Variants in RAD51B observed in about 807,000 individuals in gnomAD.
RAD51B encodes the protein DNA repair protein RAD51 homolog 2.
RAD51B carries 38 observed loss-of-function variants against 42.2 expected under a neutral mutation model. That is an observed-to-expected ratio of 0.90 (90% confidence interval 0.70 to 1.18). The LOEUF is 1.18. Ranked by LOEUF, RAD51B falls within the 50% of genes most tolerant of loss-of-function variation. The pLI, the probability that RAD51B is intolerant of heterozygous loss-of-function variation, is 0.00. For missense variants in RAD51B, 373 were observed against 400.7 expected (o/e 0.93, Z 0.59); for synonymous variants, 154 against 145.2 (o/e 1.06, Z -0.43).
intron 10 of RAD51B, among the ~76,000 whole-genome samples, chr14:68,593,669 AG>A (rs369903100): frequency 2.0e-5 from 3 of 152,184 alleles, no homozygotes; most frequent in African/African-American, 7.2e-5. Context: ...GGAATGTATC[AG>A]GGCTGGCATT....
At chr14:68,040,341 C>T (rs1286044912) in intron 7 of RAD51B, among the ~76,000 whole-genome samples, 1 of 152,162 alleles carries the variant, frequency 6.6e-6, no homozygotes, top group East Asian at 1.9e-4. Flanking sequence ...CATATTTGTT[C>T]TATCTCTGTA....
intron 7 of RAD51B, among the ~76,000 whole-genome samples, chr14:68,089,333 A>G (rs1199334674): frequency 6.6e-6 from 1 of 152,112 alleles, no homozygotes; most frequent in Non-Finnish European, 1.5e-5. Context: ...TTCATGACTC[A>G]TTAGTCTCTA....
At chr14:67,852,602 G>C (rs1438053064) in intron 4 of RAD51B, among the ~76,000 whole-genome samples, 1 of 152,084 alleles carries the variant, frequency 6.6e-6, no homozygotes, top group Admixed American at 6.5e-5. Context: ...ACAAAGCCTT[G>C]GAAGTTACAT....
chr14:68,301,160 C>T (rs1159051259), intron 8 of RAD51B, among the ~76,000 whole-genome samples: 7 of 152,076 alleles, frequency 4.6e-5, no homozygotes, highest in African/African-American at 1.2e-4. Context: ...CTAATAGGCT[C>T]ATCAAAGCAG....
At chr14:67,954,371 T>C (rs1051316855) in intron 7 of RAD51B, among the ~76,000 whole-genome samples, 1 of 152,176 alleles carries the variant, frequency 6.6e-6, no homozygotes, top group Non-Finnish European at 1.5e-5. Flanking sequence ...AGGGAAATAA[T>C]ATTAGCCATT....
intron 7 of RAD51B, among the ~76,000 whole-genome samples, chr14:68,278,950 T>C (rs1039340522): frequency 2.0e-5 from 3 of 152,224 alleles, no homozygotes; most frequent in African/African-American, 7.2e-5. Context: ...TTTTTTCTGT[T>C]CTCCTAACAA....
chr14:68,332,199 A>G (rs899424877), intron 8 of RAD51B, among the ~76,000 whole-genome samples: 1 of 152,168 alleles, frequency 6.6e-6, no homozygotes, highest in South Asian at 2.1e-4. Context: ...TTTCCTTTCA[A>G]CAGAACTTAC....
chr14:68,322,742 T>C (rs1235650230), intron 8 of RAD51B, among the ~76,000 whole-genome samples: 1 of 152,144 alleles, frequency 6.6e-6, no homozygotes, highest in African/African-American at 2.4e-5. Context: ...TGTTGGACTA[T>C]TAGGAACCTA....
chr14:68,434,789 C>G (rs182608702), intron 9 of RAD51B, among the ~76,000 whole-genome samples: 1 of 152,148 alleles, frequency 6.6e-6, no homozygotes, highest in Admixed American at 6.5e-5. Flanking sequence ...GAGATGAACC[C>G]GGTACCTGAG....
intron 10 of RAD51B, among the ~76,000 whole-genome samples, chr14:68,649,692 T>C (rs1892660836): frequency 6.6e-6 from 1 of 152,154 alleles, no homozygotes; most frequent in Non-Finnish European, 1.5e-5. Context: ...GGTCCAGTCA[T>C]GTGTGAAGAG....
chr14:68,343,833 T>C (rs2139844894), intron 8 of RAD51B, among the ~76,000 whole-genome samples: 1 of 152,372 alleles, frequency 6.6e-6, no homozygotes, highest in African/African-American at 2.4e-5. Context: ...CAGCTCCATC[T>C]CCAGCTCCAG....
chr14:68,355,200 T>A (rs955097798), intron 8 of RAD51B, among the ~76,000 whole-genome samples: 3 of 152,156 alleles, frequency 2.0e-5, no homozygotes, highest in African/African-American at 7.2e-5. Context: ...ATGTTGCCTA[T>A]TTTTTGGAGA....
intron 7 of RAD51B, among the ~76,000 whole-genome samples, chr14:68,086,302 G>A (rs1161207068): frequency 2.6e-5 from 4 of 152,132 alleles, no homozygotes; most frequent in Admixed American, 2.6e-4. Flanking sequence ...TCCTCTCGCT[G>A]TCCAGCTGCC....
In RAD51B at chr14:68,146,225, G is replaced by A. The variant is rs35015911; in HGVS notation, c.757-145659G>A. ...AGCGCTTTGGGAGGCCTTGGTGGGC[G>A]GAATGCCTGAGCTCAGGAGTTTGAG... On this transcript the variant is annotated intron_variant, in intron 7 of 10. Coordinates refer to ENST00000471583, the MANE Select transcript of RAD51B (RefSeq NM_133510.4). 7.4e-3 allele frequency among the ~76,000 whole-genome samples: 1,126 copies of A among 152,256 alleles called. 10 individuals carry two copies. The highest frequency in any genetic ancestry group is 0.023 in the African/African-American group (936 of 41,552).
chr14:68,520,504 T>C (rs1886501817), intron 10 of RAD51B, among the ~76,000 whole-genome samples: 1 of 152,214 alleles, frequency 6.6e-6, no homozygotes, highest in South Asian at 2.1e-4. Flanking sequence ...CCTATACATT[T>C]GTTCTAACTG....
At chr14:68,575,963 G>C (rs1407221321) in intron 10 of RAD51B, among the ~76,000 whole-genome samples, 1 of 152,242 alleles carries the variant, frequency 6.6e-6, no homozygotes, top group East Asian at 1.9e-4. Flanking sequence ...CAACAGGAAT[G>C]TTGAGGCACC....
At chr14:68,633,816 G>T (rs1235100349) in intron 10 of RAD51B, among the ~76,000 whole-genome samples, 1 of 152,222 alleles carries the variant, frequency 6.6e-6, no homozygotes, top group East Asian at 1.9e-4. Flanking sequence ...AGGTAAGGGA[G>T]TGGCCTCTTT....
chr14:68,029,276 T>A (rs1484309068), intron 7 of RAD51B, among the ~76,000 whole-genome samples: 1 of 152,260 alleles, frequency 6.6e-6, no homozygotes, highest in African/African-American at 2.4e-5. Context: ...TGGCTTCATC[T>A]AGTCAGCCAT....
chr14:68,562,103 T>TA, intron 10 of RAD51B: 1 of 985,404 alleles, frequency 1.0e-6, no homozygotes, highest in Non-Finnish European at 1.2e-6. Context: ...GCTTTTGGTT[T>TA]GTCCTTTTTC....
Sources: gnomAD v4.1 joint callset for allele counts (sites outside exome capture counted in the v4.1 genomes callset) on GRCh38, gnomAD v4.1.1 for gene constraint, MANE v1.5 for transcripts, NCBI Gene and HGNC (gene_info 2026-07-23, HGNC 2026-07-21) for gene names.